Variants in SLC30A7 observed in about 807,000 individuals in gnomAD.
The protein encoded by SLC30A7 is zinc transporter 7.
In SLC30A7, 35 loss-of-function variants were observed where a neutral mutation model predicts 46.0. That is an observed-to-expected ratio of 0.76 (90% CI 0.58 to 1.01). The LOEUF (loss-of-function observed/expected upper bound fraction) is 1.01, where lower values mean the gene tolerates loss of function less well. Ranked by LOEUF, SLC30A7 falls within the 50% of genes least tolerant of loss-of-function variation. The pLI is 0.00. For missense variants in SLC30A7, 464 were observed against 451.1 expected, an observed-to-expected ratio of 1.03 and a Z score of -0.26; for synonymous variants, 147 against 157.8, an observed-to-expected ratio of 0.93 and a Z score of 0.51.
chr1:100,906,291 C>T (rs1651665051), intron 2 of SLC30A7, among the ~76,000 whole-genome samples: 1 of 152,094 alleles, frequency 6.6e-6, no homozygotes, highest in Admixed American at 6.6e-5. Flanking sequence ...TTATTCAAGA[C>T]TTGGTGGGGA....
chr1:100,956,410 C>T (rs1655229701), intron 8 of SLC30A7, among the ~76,000 whole-genome samples: 1 of 152,082 alleles, frequency 6.6e-6, no homozygotes, highest in African/African-American at 2.4e-5. Context: ...CAGGGAGTAG[C>T]AGACTTTGGA....
intron 8 of SLC30A7, among the ~76,000 whole-genome samples, chr1:100,944,358 A>G (rs1654510303): frequency 6.6e-6 from 1 of 152,204 alleles, no homozygotes; most frequent in African/African-American, 2.4e-5. Flanking sequence ...TTTTTAAAAT[A>G]TTTTTGACTT....
intron 7 of SLC30A7, 127 bp from the exon 8 acceptor site, chr1:100,921,579 T>C: frequency 1.5e-6 from 1 of 648,052 alleles, no homozygotes; most frequent in Non-Finnish European, 2.5e-6. Flanking sequence ...TGAATATACA[T>C]GCTTACTTAT....
chr1:100,948,808 C>T (rs1654788159), intron 8 of SLC30A7, among the ~76,000 whole-genome samples: 1 of 152,180 alleles, frequency 6.6e-6, no homozygotes, highest in Admixed American at 6.5e-5. Flanking sequence ...CACTGATACC[C>T]TTCTTCCACT....
chr1:100,949,081 G>A (rs189004295), intron 8 of SLC30A7, among the ~76,000 whole-genome samples: 10 of 152,282 alleles, frequency 6.6e-5, no homozygotes, highest in Admixed American at 2.0e-4. Flanking sequence ...GAGGAGCTGC[G>A]ATCCTTTGGA....
chr1:100,909,756 TG>T (rs1651960399), intron 3 of SLC30A7, among the ~76,000 whole-genome samples: 1 of 152,256 alleles, frequency 6.6e-6, no homozygotes, highest in South Asian at 2.1e-4. Context: ...AAAAGATGCC[TG>T]AAAAACATTC....
intron 8 of SLC30A7, among the ~76,000 whole-genome samples, chr1:100,931,343 C>T (rs1471799232): frequency 3.3e-5 from 5 of 152,144 alleles, no homozygotes; most frequent in African/African-American, 1.2e-4. Context: ...CCTCTCTCTG[C>T]CATTACATTA....
intron 8 of SLC30A7, among the ~76,000 whole-genome samples, chr1:100,927,394 A>G (rs1475514324): frequency 6.6e-6 from 1 of 152,102 alleles, no homozygotes; most frequent in Non-Finnish European, 1.5e-5. Context: ...AGGAAGGACT[A>G]ATCAACTCTG....
rs556547646 is a variant in SLC30A7, at chr1:100,920,040, G to A, written c.707-1666G>A. Among the ~76,000 whole-genome samples, 7 of 152,128 alleles carry A rather than the reference G, an allele frequency of 4.6e-5. No homozygotes were observed. In the South Asian group the frequency reaches 1.0e-3, roughly 23 times the overall value. The stretch of plus-strand genomic sequence containing the variant: ...TTTTCTTAAACAGTTTATGTAGTAA[G>A]AAGGCTTTAGGTAGTTTTAATGACA... On this transcript the variant is annotated intron_variant, in intron 7 of 10. Transcript: ENST00000357650.
At chr1:100,990,472 T>TC in the SLC30A7 span, 3 of 1,614,040 alleles carry the variant, frequency 1.9e-6, no homozygotes, top group African/African-American at 4.0e-5. Context: ...ACTTAGCATC[T>TC]CCATCTCCAT....
In SLC30A7 at chr1:100,912,120, A is replaced by T. The variant is rs765888140; in HGVS notation, c.393A>T (p.Leu131Phe). 13 of 1,613,646 alleles carry T rather than the reference A, an allele frequency of 8.1e-6. No individual in the cohort carries two copies. In the Middle Eastern group the frequency reaches 5.0e-4, roughly 61 times the overall value. The stretch of plus-strand genomic sequence containing the variant: ...TATTATGTGTTTTCTAGAGAGCATT[A>T]GCCCCTCCAGATGTCCACCATGAGA... Reference protein sequence around the residue: ...FIFSEGVERALAPPDVHHERL... With the variant: ...FIFSEGVERAFAPPDVHHERL... The change falls in exon 5 of 11, where the codon TTA (leucine) becomes TTT (phenylalanine). Residue 131 changes from leucine to phenylalanine, a missense_variant. Leu to Phe is a conservative substitution (Grantham distance 22). Transcript: ENST00000357650.
the SLC30A7 span, chr1:100,995,048 GA>G: frequency 8.5e-7 from 1 of 1,170,430 alleles, no homozygotes; most frequent in Non-Finnish European, 1.3e-6. Flanking sequence ...CATTTAAGTA[GA>G]ATGTATTGAA....
At chr1:100,941,372 C>G (rs970044619) in intron 8 of SLC30A7, 7 of 398,550 alleles carry the variant, frequency 1.8e-5, no homozygotes, top group African/African-American at 1.5e-4. Context: ...ACCAAAGTTT[C>G]CAGAAGCACT....
At chr1:100,915,637 T>C (rs965163091) in intron 6 of SLC30A7, among the ~76,000 whole-genome samples, 1 of 152,234 alleles carries the variant, frequency 6.6e-6, no homozygotes, top group African/African-American at 2.4e-5. Context: ...CTGAATGATA[T>C]TCCGTTGTAT....
intron 10 of SLC30A7, among the ~76,000 whole-genome samples, chr1:100,968,066 A>C (rs1655955901): frequency 6.6e-6 from 1 of 152,222 alleles, no homozygotes; most frequent in East Asian, 1.9e-4. Context: ...ATATAAATAC[A>C]TATGTAGAGA....
chr1:100,961,775 G>C (rs1655565874), intron 8 of SLC30A7, 53 bp from the exon 9 acceptor site: 1 of 1,069,334 alleles, frequency 9.4e-7, no homozygotes, highest in African/African-American at 1.6e-5. Flanking sequence ...TTTCTTGCTG[G>C]ATGGGATTAG....
chr1:100,979,447 A>G lies in SLC30A7; in HGVS notation c.*4590A>G, dbSNP rs938910111. 6.7e-6 allele frequency: 1 copy of G among 149,684 alleles called. No individual in the cohort carries two copies. Among genetic ancestry groups the G allele is most frequent in the Non-Finnish European group, 1.5e-5 (1 of 67,564 alleles). The allele number at this position is 149,684 out of a possible 1,614,324, so 9.3% of individuals were successfully genotyped here. A position where few individuals can be genotyped will look rare whatever the true frequency, so the allele number is the denominator to read the frequency against. ...AAAGATTATGTATCCAAAAAAAAAAAAAAAAAAAAAAGAAAAGGAGCAGGG... is the reference window on the plus strand; with the variant it reads ...AAAGATTATGTATCCAAAAAAAAAAGAAAAAAAAAAAGAAAAGGAGCAGGG... On this transcript the variant is annotated 3_prime_UTR_variant, in exon 11 of 11. Transcript: ENST00000357650.
intron 2 of SLC30A7, 101 bp from the exon 3 acceptor site, chr1:100,906,751 G>T (rs1004816760): frequency 2.6e-6 from 2 of 759,986 alleles, no homozygotes; most frequent in African/African-American, 1.8e-5. Context: ...GTTTTAGATG[G>T]TTAATTCCTG....
At chr1:100,957,781 G>A (rs1006765009) in intron 8 of SLC30A7, among the ~76,000 whole-genome samples, 16 of 152,098 alleles carry the variant, frequency 1.1e-4, no homozygotes, top group African/African-American at 3.6e-4. Flanking sequence ...AACAATTTTT[G>A]TGCCCATTTT....
Sources: allele counts gnomAD v4.1 joint callset (sites outside exome capture counted in the v4.1 genomes callset), GRCh38; gene constraint gnomAD v4.1.1; transcripts MANE v1.5; gene names NCBI Gene and HGNC (gene_info 2026-07-23, HGNC 2026-07-21).